Variants in FRMD4A observed in about 807,000 individuals in gnomAD.
FRMD4A encodes FERM domain-containing protein 4A.
FRMD4A carries 29 observed loss-of-function variants against 129.1 expected under a neutral mutation model. The observed-to-expected ratio is 0.22, with a 90% CI of 0.17 to 0.31. The LOEUF is 0.31. Ranked by LOEUF, FRMD4A falls within the 10% of genes least tolerant of loss-of-function variation. FRMD4A has a pLI of 1.00. For missense variants in FRMD4A, 1,272 were observed against 1,375.8 expected (o/e 0.92, Z 1.19); for synonymous variants, 634 against 571.6 (o/e 1.11, Z -1.56).
At chr10:13,901,530 G>T (rs979595305) in intron 2 of FRMD4A, among the ~76,000 whole-genome samples, 11 of 150,856 alleles carry the variant, frequency 7.3e-5, no homozygotes, top group Non-Finnish European at 1.6e-4. Context: ...GAATCTCTGA[G>T]CCCAGGAGGT....
intron 4 of FRMD4A, among the ~76,000 whole-genome samples, chr10:13,802,624 A>G (rs2130849291): frequency 6.6e-6 from 1 of 152,152 alleles, no homozygotes; most frequent in African/African-American, 2.4e-5. Context: ...GGTAATTAAA[A>G]AAAAAGGTTT....
At chr10:13,674,363 G>A (rs993249885) in intron 16 of FRMD4A, among the ~76,000 whole-genome samples, 2 of 152,234 alleles carry the variant, frequency 1.3e-5, no homozygotes, top group Non-Finnish European at 2.9e-5. Context: ...CACCATGCAA[G>A]TATGAGGGAT....
intron 2 of FRMD4A, among the ~76,000 whole-genome samples, chr10:14,314,564 C>T (rs1277622509): frequency 6.6e-6 from 1 of 152,104 alleles, no homozygotes; most frequent in Non-Finnish European, 1.5e-5. Flanking sequence ...TACCACTCCT[C>T]CTCTTTCTGC....
chr10:14,100,956 C>A (rs1422577051), intron 2 of FRMD4A, among the ~76,000 whole-genome samples: 3 of 152,110 alleles, frequency 2.0e-5, no homozygotes, highest in Non-Finnish European at 2.9e-5. Flanking sequence ...GCTTTTGGGT[C>A]CTCACAACGT....
chr10:13,915,305 T>G (rs1165093140), intron 2 of FRMD4A, among the ~76,000 whole-genome samples: 4 of 152,044 alleles, frequency 2.6e-5, no homozygotes, highest in Non-Finnish European at 5.9e-5. Context: ...AGCACGGTTT[T>G]CTTCGAGATT....
At chr10:14,312,822 C>T (rs759694674) in intron 2 of FRMD4A, among the ~76,000 whole-genome samples, 4 of 151,980 alleles carry the variant, frequency 2.6e-5, no homozygotes, top group Admixed American at 1.3e-4. Flanking sequence ...GCTGCAAGTA[C>T]GCCACTGCAC....
chr10:14,160,993 C>T (rs1443557447), intron 2 of FRMD4A, among the ~76,000 whole-genome samples: 1 of 152,082 alleles, frequency 6.6e-6, no homozygotes, highest in Non-Finnish European at 1.5e-5. Context: ...TCACTCTTGT[C>T]GCCCAGGCTG....
intron 3 of FRMD4A, among the ~76,000 whole-genome samples, chr10:13,830,951 G>A (rs2093781094): frequency 6.6e-6 from 1 of 152,156 alleles, no homozygotes; most frequent in African/African-American, 2.4e-5. Context: ...CACCAGGCCT[G>A]GCTAATTTTT....
At chr10:14,119,273 G>A (rs574583119) in intron 2 of FRMD4A, among the ~76,000 whole-genome samples, 1 of 152,300 alleles carries the variant, frequency 6.6e-6, no homozygotes, top group South Asian at 2.1e-4. Flanking sequence ...CCTTAGGCCA[G>A]AATGAAGAGG....
At chr10:14,083,202 T>A (rs903301221) in intron 2 of FRMD4A, 3 of 152,220 alleles carry the variant, frequency 2.0e-5, no homozygotes, top group African/African-American at 4.8e-5. Flanking sequence ...GCCATTGTAG[T>A]GACATTTGAA....
chr10:13,721,431 G>A (rs1275349066), intron 12 of FRMD4A, among the ~76,000 whole-genome samples: 6 of 152,078 alleles, frequency 3.9e-5, no homozygotes, highest in African/African-American at 1.2e-4. Flanking sequence ...GCAGTGAGCC[G>A]AGATTGCGCC....
At chr10:14,265,087 A>G (rs1220069979) in intron 2 of FRMD4A, among the ~76,000 whole-genome samples, 1 of 152,158 alleles carries the variant, frequency 6.6e-6, no homozygotes, top group African/African-American at 2.4e-5. Flanking sequence ...TGGCCTAAGA[A>G]ACATTACTTT....
At chr10:14,310,411 G>A (rs1846505591) in intron 2 of FRMD4A, among the ~76,000 whole-genome samples, 1 of 152,224 alleles carries the variant, frequency 6.6e-6, no homozygotes, top group South Asian at 2.1e-4. Context: ...ACAAAAAGCA[G>A]CCCCAGAGTA....
intron 3 of FRMD4A, among the ~76,000 whole-genome samples, chr10:13,826,735 G>C (rs1049021517): frequency 1.3e-5 from 2 of 152,104 alleles, no homozygotes; most frequent in Non-Finnish European, 2.9e-5. Context: ...ACCCTTACTG[G>C]GCTAGAAGAG....
At chr10:13,942,021 T>G (rs2095296418) in intron 2 of FRMD4A, among the ~76,000 whole-genome samples, 1 of 152,190 alleles carries the variant, frequency 6.6e-6, no homozygotes. Context: ...GAGCGGTCAC[T>G]CCAGCTACCC....
chr10:13,739,869 G>A (rs140618451), intron 11 of FRMD4A, among the ~76,000 whole-genome samples: 2,862 of 152,348 alleles, frequency 0.019, 129 homozygotes, highest in South Asian at 0.13. Context: ...GGAGGCCGAG[G>A]CAGGCAGATC....
chr10:14,248,892 T>C (rs1269868569), intron 2 of FRMD4A, among the ~76,000 whole-genome samples: 1 of 152,252 alleles, frequency 6.6e-6, no homozygotes, highest in Non-Finnish European at 1.5e-5. Context: ...CAAGTTAAAC[T>C]AAGTGAGACA....
intron 4 of FRMD4A, among the ~76,000 whole-genome samples, chr10:13,802,555 G>A (rs755181415): frequency 2.6e-5 from 4 of 152,116 alleles, no homozygotes; most frequent in Non-Finnish European, 5.9e-5. Flanking sequence ...GGGCTCAAGC[G>A]ATCCTTCTGC....
Position 13,685,687 on chromosome 10 carries a change from A to G in FRMD4A, c.1117+8211T>C, listed in dbSNP as rs892472023. ...TTTTTAGTATTTAAAATTTCATCAC[A>G]GTCCTACCCAGTCAGGAGGCTGAGG... On this transcript the variant is annotated intron_variant, in intron 15 of 24. Transcript: ENST00000357447. 4 of 969,670 alleles carry G rather than the reference A, an allele frequency of 4.1e-6. No homozygotes were observed. The African/African-American group carries it at 5.3e-5, about 13-fold the overall frequency. 60.1% of individuals were successfully genotyped at this position (969,670 alleles called of 1,614,324 possible).
Sources: allele counts gnomAD v4.1 joint callset (sites outside exome capture counted in the v4.1 genomes callset), GRCh38; gene constraint gnomAD v4.1.1; transcripts MANE v1.5; gene names NCBI Gene and HGNC (gene_info 2026-07-23, HGNC 2026-07-21).